The following SLC44A5 variants were observed in gnomAD, a reference collection of about 807,000 sequenced individuals.
The protein encoded by SLC44A5 is solute carrier family 44 member 5, also known as choline transporter-like protein 5.
In SLC44A5, 57 loss-of-function variants were observed where a neutral mutation model predicts 101.8. That is an observed-to-expected ratio of 0.56 (90% CI 0.45 to 0.70). SLC44A5 has a LOEUF of 0.70. Among genes scored for constraint, SLC44A5 ranks in the 30% least tolerant of loss-of-function variants. The probability of loss-of-function intolerance (pLI) is 0.00; values close to 1 mark genes in which losing one functional copy is unlikely to be tolerated. For missense variants in SLC44A5, 737 were observed against 853.1 expected (o/e 0.86, Z 1.70); for synonymous variants, 281 against 290.9 (o/e 0.97, Z 0.35).
intron 5 of SLC44A5, among the ~76,000 whole-genome samples, chr1:75,278,176 A>C (rs1032152293): frequency 6.6e-6 from 1 of 152,104 alleles, no homozygotes; most frequent in African/African-American, 2.4e-5. Flanking sequence ...AACAAAGAAG[A>C]ATATCTTAAT....
intron 2 of SLC44A5, among the ~76,000 whole-genome samples, chr1:75,478,256 T>A (rs1667566426): frequency 6.6e-6 from 1 of 152,148 alleles, no homozygotes; most frequent in South Asian, 2.1e-4. Flanking sequence ...AAGGAAGCAC[T>A]AAACATGGAA....
intron 3 of SLC44A5, among the ~76,000 whole-genome samples, chr1:75,378,908 C>G (rs1271951313): frequency 2.4e-5 from 2 of 82,444 alleles, no homozygotes; most frequent in Non-Finnish European, 4.2e-5. Context: ...CCCAGCACCA[C>G]AGGGCAGGGC....
chr1:75,559,357 G>A (rs966587208), intron 1 of SLC44A5, among the ~76,000 whole-genome samples: 4 of 152,008 alleles, frequency 2.6e-5, no homozygotes, highest in Non-Finnish European at 5.9e-5. Flanking sequence ...AACTGCACAA[G>A]CAAAAGCACA....
At chr1:75,395,134 T>G (rs1422270942) in intron 3 of SLC44A5, among the ~76,000 whole-genome samples, 1 of 152,136 alleles carries the variant, frequency 6.6e-6, no homozygotes, top group East Asian at 1.9e-4. Context: ...CTCATTAGCT[T>G]ATTTATCTCA....
intron 2 of SLC44A5, among the ~76,000 whole-genome samples, chr1:75,408,585 A>T (rs1013006288): frequency 6.6e-6 from 1 of 152,162 alleles, no homozygotes; most frequent in African/African-American, 2.4e-5. Context: ...GGAAACCATC[A>T]TTCTCAGCAA....
chr1:75,238,410 A>ATATG (rs1208183262), intron 10 of SLC44A5, 103 bp downstream of exon 10: 1 of 300,844 alleles, frequency 3.3e-6, no homozygotes. Context: ...ATATATATAT[A>ATATG]TATGTGATTA....
intron 2 of SLC44A5, among the ~76,000 whole-genome samples, chr1:75,522,588 GAA>G (rs746362763): frequency 6.6e-6 from 1 of 152,174 alleles, no homozygotes; most frequent in South Asian, 2.1e-4. Flanking sequence ...AAGAATGTGT[GAA>G]AGTTGCTCTT....
In SLC44A5 at chr1:75,274,947, G is replaced by T. The variant is rs1182605936; in HGVS notation, c.260+11C>A. 1.9e-6 allele frequency: 3 copies of T among 1,605,598 alleles called. No homozygotes were observed. The highest frequency in any genetic ancestry group is 2.2e-5 in the South Asian group (2 of 90,268). ...AGTAAAATCACACAAAGCAAAGGTG[G>T]CCATACTCACTCATTGGGAGTGCCC... is the stretch of plus-strand genomic sequence containing the variant. On this transcript the variant is annotated intron_variant, in intron 6 of 23. Coordinates refer to ENST00000370859, the MANE Select transcript of SLC44A5 (RefSeq NM_001130058.2).
intron 1 of SLC44A5, among the ~76,000 whole-genome samples, chr1:75,583,812 T>A (rs1469354190): frequency 6.6e-6 from 1 of 152,194 alleles, no homozygotes; most frequent in Non-Finnish European, 1.5e-5. Context: ...TCTTGGGGCT[T>A]CCCAACATGT....
chr1:75,236,957 G>A (rs1258219830), intron 11 of SLC44A5, 30 bp downstream of exon 11: 4 of 1,221,842 alleles, frequency 3.3e-6, no homozygotes, highest in Non-Finnish European at 4.8e-6. Flanking sequence ...AATGGGGCTG[G>A]AGAAGAAACA....
chr1:75,645,765 G>A, the SLC44A5 span, among the ~76,000 whole-genome samples: 2 of 135,714 alleles, frequency 1.5e-5, no homozygotes, highest in African/African-American at 5.0e-5. Context: ...ATGGTTTTAG[G>A]TTCTAACAAT....
intron 2 of SLC44A5, among the ~76,000 whole-genome samples, chr1:75,467,270 G>A (rs1404177398): frequency 6.6e-6 from 1 of 152,024 alleles, no homozygotes; most frequent in Non-Finnish European, 1.5e-5. Context: ...GCAAGCTACA[G>A]ATTCAATTCA....
intron 12 of SLC44A5, among the ~76,000 whole-genome samples, chr1:75,232,061 T>C (rs572837582): frequency 6.6e-6 from 1 of 152,288 alleles, no homozygotes; most frequent in Admixed American, 6.5e-5. Flanking sequence ...CAGTTACATG[T>C]AGTCTTATTT....
At chr1:75,284,204 C>T (rs766561988) in intron 5 of SLC44A5, among the ~76,000 whole-genome samples, 3 of 151,888 alleles carry the variant, frequency 2.0e-5, no homozygotes, top group African/African-American at 4.8e-5. Flanking sequence ...TTCTGTGTAG[C>T]GATGTGTCAC....
chr1:75,665,007 A>G, the SLC44A5 span, among the ~76,000 whole-genome samples: 1 of 152,128 alleles, frequency 6.6e-6, no homozygotes, highest in Non-Finnish European at 1.5e-5. Flanking sequence ...GGGAAGAATC[A>G]ATATTATTAA....
intron 2 of SLC44A5, among the ~76,000 whole-genome samples, chr1:75,507,050 C>A (rs139277903): frequency 6.6e-6 from 1 of 151,288 alleles, no homozygotes; most frequent in African/African-American, 2.4e-5. Flanking sequence ...AATGGAACCA[C>A]AGGCACAATG....
intron 2 of SLC44A5, among the ~76,000 whole-genome samples, chr1:75,478,884 C>T (rs1177720368): frequency 3.3e-5 from 5 of 152,308 alleles, no homozygotes; most frequent in Middle Eastern, 3.4e-3. Flanking sequence ...TTGAACTCAG[C>T]TCTGCACCAA....
chr1:75,566,766 A>G (rs1450013859), intron 1 of SLC44A5, among the ~76,000 whole-genome samples: 2 of 152,262 alleles, frequency 1.3e-5, no homozygotes, highest in African/African-American at 4.8e-5. Flanking sequence ...TGGTCTTTAC[A>G]TGCTCTAAAA....
intron 13 of SLC44A5, among the ~76,000 whole-genome samples, chr1:75,224,902 A>G (rs1647165547): frequency 6.6e-6 from 1 of 152,166 alleles, no homozygotes; most frequent in Non-Finnish European, 1.5e-5. Flanking sequence ...TGTTATTATA[A>G]AAGTCAAAAA....
Sources: allele counts gnomAD v4.1 joint callset (sites outside exome capture counted in the v4.1 genomes callset), GRCh38; gene constraint gnomAD v4.1.1; transcripts MANE v1.5; gene names NCBI Gene and HGNC (gene_info 2026-07-23, HGNC 2026-07-21).